SLCO1B1: variants seen among roughly 807,000 people sequenced by gnomAD.
SLCO1B1 encodes the protein solute carrier organic anion transporter family member 1B1, also known as OATP-2.
In SLCO1B1, 81 loss-of-function variants were observed where a neutral mutation model predicts 70.1. The ratio of observed to expected loss-of-function variants is 1.16; its 90% CI spans 0.97 to 1.39. The LOEUF (loss-of-function observed/expected upper bound fraction) is 1.39. SLCO1B1 is among the 40% of genes most tolerant of loss of function. The pLI is 0.00. For missense variants in SLCO1B1, 895 were observed against 799.6 expected (o/e 1.12, Z -1.44); for synonymous variants, 283 against 271.5 (o/e 1.04, Z -0.42).
chr12:21,180,369 C>A (rs1940880468), intron 7 of SLCO1B1, among the ~76,000 whole-genome samples: 1 of 152,130 alleles, frequency 6.6e-6, no homozygotes, highest in African/African-American at 2.4e-5. Context: ...AGAAGCCTTA[C>A]TTCACCACTT....
chr12:21,226,126 G>A (rs1041012626), intron 14 of SLCO1B1, among the ~76,000 whole-genome samples: 1 of 152,172 alleles, frequency 6.6e-6, no homozygotes, highest in East Asian at 1.9e-4. Flanking sequence ...GTCTAAAGAA[G>A]CTTCTGGGCC....
intron 1 of SLCO1B1, 48 bp from the exon 2 acceptor site, chr12:21,141,466 T>G (rs1270074219): frequency 4.7e-6 from 3 of 631,952 alleles, no homozygotes; most frequent in Non-Finnish European, 8.5e-6. Flanking sequence ...TATTTCTAAA[T>G]TATATATTGT....
chr12:21,139,250 A>G (rs1940274433), intron 1 of SLCO1B1, among the ~76,000 whole-genome samples: 1 of 152,162 alleles, frequency 6.6e-6, no homozygotes, highest in South Asian at 2.1e-4. Flanking sequence ...ACAGATATTC[A>G]TGGAAAAAAT....
intron 7 of SLCO1B1, among the ~76,000 whole-genome samples, chr12:21,183,636 C>A (rs1163695293): frequency 2.6e-5 from 4 of 152,126 alleles, no homozygotes; most frequent in Non-Finnish European, 5.9e-5. Flanking sequence ...AAAGGAACAC[C>A]ATTCCTTCAA....
intron 1 of SLCO1B1, among the ~76,000 whole-genome samples, chr12:21,138,808 C>A (rs749814643): frequency 6.6e-6 from 1 of 152,042 alleles, no homozygotes; most frequent in African/African-American, 2.4e-5. Flanking sequence ...AAGAAACATA[C>A]AAGAGGGCAG....
chr12:21,137,510 C>T (rs923391378), intron 1 of SLCO1B1, among the ~76,000 whole-genome samples: 1 of 152,156 alleles, frequency 6.6e-6, no homozygotes, highest in African/African-American at 2.4e-5. Context: ...GCTTTGTTTA[C>T]CTAATCAAAC....
chr12:21,166,807 A>G (rs1007644481), intron 2 of SLCO1B1, among the ~76,000 whole-genome samples: 3 of 152,192 alleles, frequency 2.0e-5, no homozygotes, highest in Non-Finnish European at 4.4e-5. Context: ...ATAAGTATCA[A>G]GTGGAAAGCA....
At chr12:21,224,916 A>ATTATTAT in intron 14 of SLCO1B1, 77 bp downstream of exon 14, 2 of 722,572 alleles carry the variant, frequency 2.8e-6, no homozygotes, top group Non-Finnish European at 4.6e-6. Flanking sequence ...TTCATTATAT[A>ATTATTAT]ATAATATTAA....
chr12:21,170,090 T>C (rs1454661598), intron 2 of SLCO1B1, among the ~76,000 whole-genome samples: 1 of 152,198 alleles, frequency 6.6e-6, no homozygotes, highest in Non-Finnish European at 1.5e-5. Context: ...CTCGTGTCTC[T>C]GTCTGGAACT....
chr12:21,211,588 G>A (rs1941285931), intron 11 of SLCO1B1, among the ~76,000 whole-genome samples: 1 of 152,110 alleles, frequency 6.6e-6, no homozygotes, highest in African/African-American at 2.4e-5. Context: ...AATGAGTTAG[G>A]GAGGATTCCC....
chr12:21,178,743 A>C (rs1940854053), intron 6 of SLCO1B1, 21 bp downstream of exon 6: 2 of 1,584,116 alleles, frequency 1.3e-6, no homozygotes, highest in African/African-American at 2.7e-5. Flanking sequence ...CAAAATATTA[A>C]ATTGTATGAT....
intron 2 of SLCO1B1, among the ~76,000 whole-genome samples, chr12:21,146,019 A>G (rs1447515621): frequency 1.3e-5 from 2 of 152,166 alleles, no homozygotes; most frequent in Non-Finnish European, 2.9e-5. Context: ...ACTGTAGAGA[A>G]TTGATATAAA....
At chr12:21,132,580 T>G (rs945275960) in intron 1 of SLCO1B1, among the ~76,000 whole-genome samples, 2 of 152,246 alleles carry the variant, frequency 1.3e-5, no homozygotes, top group Non-Finnish European at 2.9e-5. Context: ...ATTTCTCTGA[T>G]GGCCAGTGAT....
intron 7 of SLCO1B1, among the ~76,000 whole-genome samples, chr12:21,179,267 C>T (rs1591810757): frequency 6.6e-6 from 1 of 152,032 alleles, no homozygotes; most frequent in East Asian, 1.9e-4. Context: ...GAGCTTGGTC[C>T]AAAATAACCA....
intron 8 of SLCO1B1, among the ~76,000 whole-genome samples, chr12:21,199,884 C>A (rs923269592): frequency 1.3e-5 from 2 of 151,976 alleles, no homozygotes; most frequent in African/African-American, 4.8e-5. Context: ...TCACTGCAAC[C>A]TTCGCCTCCC....
chr12:21,135,478 T>C (rs1940204580), intron 1 of SLCO1B1, among the ~76,000 whole-genome samples: 1 of 152,238 alleles, frequency 6.6e-6, no homozygotes, highest in Non-Finnish European at 1.5e-5. Context: ...TAAGTCTCTT[T>C]GTAGGTCACT....
chr12:21,205,638 G>C (rs1285408785), intron 10 of SLCO1B1, among the ~76,000 whole-genome samples: 1 of 148,354 alleles, frequency 6.7e-6, no homozygotes, highest in African/African-American at 2.6e-5. Flanking sequence ...GCTTTTTCTA[G>C]GTCACAAGTC....
intron 5 of SLCO1B1, among the ~76,000 whole-genome samples, chr12:21,177,218 C>T (rs1403063823): frequency 6.6e-6 from 1 of 152,092 alleles, no homozygotes; most frequent in Non-Finnish European, 1.5e-5. Flanking sequence ...AATTTGAGAA[C>T]ACACAGGCAG....
intron 1 of SLCO1B1, 39 bp from the exon 2 acceptor site, chr12:21,141,475 G>T (rs1940306400): frequency 4.5e-6 from 3 of 666,328 alleles, no homozygotes; most frequent in African/African-American, 1.8e-5. Flanking sequence ...ATTATATATT[G>T]TAAAAATAAA....
Sources: allele counts gnomAD v4.1 joint callset (sites outside exome capture counted in the v4.1 genomes callset), GRCh38; gene constraint gnomAD v4.1.1; transcripts MANE v1.5; gene names NCBI Gene and HGNC (gene_info 2026-07-23, HGNC 2026-07-21).